RFX4: variants seen among roughly 807,000 people sequenced by gnomAD.
RFX4 encodes the protein regulatory factor X4, also known as transcription factor RFX4.
A neutral mutation model predicts 95.0 loss-of-function variants in RFX4; 10 were observed. The ratio of observed to expected loss-of-function variants is 0.11; its 90% CI spans 0.06 to 0.18. The LOEUF is 0.18. Ranked by LOEUF, RFX4 falls within the 10% of genes least tolerant of loss-of-function variation. The pLI is 1.00. For missense variants in RFX4, 640 were observed against 922.0 expected, an observed-to-expected ratio of 0.69 and a Z score of 3.96; for synonymous variants, 321 against 340.7, an observed-to-expected ratio of 0.94 and a Z score of 0.64.
intron 15 of RFX4, among the ~76,000 whole-genome samples, chr12:106,745,127 T>A (rs886963753): frequency 6.6e-6 from 1 of 152,164 alleles, no homozygotes; most frequent in African/African-American, 2.4e-5. Flanking sequence ...GAATTGCATT[T>A]TTTGCCTCCA....
chr12:106,746,506 C>T (rs775337769), intron 15 of RFX4, among the ~76,000 whole-genome samples: 5 of 151,772 alleles, frequency 3.3e-5, no homozygotes, highest in South Asian at 4.2e-4. Flanking sequence ...TGCACTCCAG[C>T]GTGGGTGACA....
chr12:106,595,882 TCA>T (rs1489175766), intron 1 of RFX4, among the ~76,000 whole-genome samples: 1 of 152,172 alleles, frequency 6.6e-6, no homozygotes, highest in African/African-American at 2.4e-5. Context: ...TCTCTGAGCC[TCA>T]GTTTGCTTTT....
chr12:106,640,545 T>A (rs917586550), intron 3 of RFX4, among the ~76,000 whole-genome samples: 3 of 152,218 alleles, frequency 2.0e-5, no homozygotes, highest in Non-Finnish European at 4.4e-5. Flanking sequence ...AGAGCTCTAT[T>A]TCCAGCCTTT....
intron 15 of RFX4, among the ~76,000 whole-genome samples, chr12:106,741,296 A>C (rs917678815): frequency 1.3e-5 from 2 of 152,320 alleles, no homozygotes; most frequent in Admixed American, 1.3e-4. Context: ...AACAAAAAAA[A>C]AGATGATAGC....
At chr12:106,631,438 C>G (rs909595972) in intron 2 of RFX4, among the ~76,000 whole-genome samples, 1 of 152,170 alleles carries the variant, frequency 6.6e-6, no homozygotes, top group Non-Finnish European at 1.5e-5. Context: ...ATGTCTGTAT[C>G]CCCCCAAATT....
chr12:106,715,177 T>C, intron 10 of RFX4: 1 of 509,078 alleles, frequency 2.0e-6, no homozygotes, highest in South Asian at 2.8e-5. Flanking sequence ...TCGCAGTTTC[T>C]TGTAGAGAAA....
At position 106,586,757 on chromosome 12, in the gene RFX4, C is replaced by T. The variant is rs2039463486; in HGVS notation, c.43+3394C>T. Among the ~76,000 whole-genome samples the T allele has an allele frequency of 6.6e-6, 1 of 152,238 alleles. No individual in the cohort carries two copies. Among genetic ancestry groups the T allele is most frequent in the Non-Finnish European group, 1.5e-5 (1 of 68,046 alleles). On this transcript the variant is annotated intron_variant, in intron 1 of 17. Coordinates refer to ENST00000392842, the MANE Select transcript of RFX4 (RefSeq NM_213594.3). The surrounding 1 kb of genome is among the most constrained non-coding windows in gnomAD (Gnocchi z 5.6). ...TTCTACCACCAAATTAATTATATGC[C>T]TTTGTGGGCCCGGGGTAGGGATGTC... is the stretch of plus-strand genomic sequence containing the variant.
intron 1 of RFX4, among the ~76,000 whole-genome samples, chr12:106,608,302 C>G (rs1401680348): frequency 6.6e-6 from 1 of 152,192 alleles, no homozygotes; most frequent in Non-Finnish European, 1.5e-5. Flanking sequence ...CAAAGGGAGG[C>G]AAGCTACAAG....
At chr12:106,583,864 G>A (rs556700916) in intron 1 of RFX4, 4 of 152,872 alleles carry the variant, frequency 2.6e-5, no homozygotes, top group South Asian at 2.1e-4. Context: ...CCGAGGCTCC[G>A]GCTGGTAGAG....
chr12:106,693,216 T>C lies in RFX4; in HGVS notation c.670-3067T>C, dbSNP rs139291076. On this transcript the variant is annotated intron_variant, in intron 7 of 17. Transcript: ENST00000392842. ...TTCTCACCTGGAGGAACAAGTATCA[T>C]TGGACAATAAATGACCTAAAATGCA... 448 of 295,912 alleles carry C rather than the reference T, an allele frequency of 1.5e-3. 1 individual carries two copies. Among genetic ancestry groups the C allele is most frequent in the African/African-American group, 9.0e-3 (402 of 44,914 alleles). The allele number at this position is 295,912 out of a possible 1,614,324, so 18.3% of individuals were successfully genotyped here. A position where few individuals can be genotyped will look rare whatever the true frequency, so the allele number is the denominator to read the frequency against.
intron 13 of RFX4, among the ~76,000 whole-genome samples, chr12:106,727,454 A>G (rs2137547582): frequency 6.6e-6 from 1 of 152,338 alleles, no homozygotes; most frequent in South Asian, 2.1e-4. Context: ...GATATCTAAT[A>G]AATATGTACT....
At chr12:106,667,160 A>G (rs1391633309) in intron 4 of RFX4, among the ~76,000 whole-genome samples, 7 of 151,968 alleles carry the variant, frequency 4.6e-5, no homozygotes, top group African/African-American at 1.5e-4. Context: ...CTTAGATGTC[A>G]TAGGATGGCT....
intron 4 of RFX4, among the ~76,000 whole-genome samples, chr12:106,680,007 G>C (rs1265212774): frequency 6.6e-6 from 1 of 152,210 alleles, no homozygotes; most frequent in East Asian, 1.9e-4. Flanking sequence ...GTTTACAAGA[G>C]TCAGGGTTAA....
chr12:106,606,018 T>C (rs2039825244), intron 1 of RFX4, among the ~76,000 whole-genome samples: 1 of 152,232 alleles, frequency 6.6e-6, no homozygotes, highest in Non-Finnish European at 1.5e-5. Context: ...AAGTTCTTTC[T>C]TTACTCAAAC....
At chr12:106,608,709 TTC>T in intron 1 of RFX4, 86 bp from the exon 2 acceptor site, 1 of 1,184,780 alleles carries the variant, frequency 8.4e-7, no homozygotes, top group Non-Finnish European at 1.2e-6. Flanking sequence ...ATTTATGATG[TTC>T]TGTCTCTTCA....
Position 106,600,754 on chromosome 12 carries a change from G to A in RFX4, c.44-8043G>A, listed in dbSNP as rs572759808. 1.4e-4 allele frequency among the ~76,000 whole-genome samples: 22 copies of A among 152,072 alleles called. No individual in the cohort carries two copies. The East Asian group carries it at 1.7e-3, about 12-fold the overall frequency. On this transcript the variant is annotated intron_variant, in intron 1 of 17. Coordinates refer to ENST00000392842, the MANE Select transcript of RFX4 (RefSeq NM_213594.3). ...TGCTGCTCTCCCCACCTCCCGCTTCGTCATGCTGGCCTCCTGGCTCCTCCT... is the reference window on the plus strand; with the variant it reads ...TGCTGCTCTCCCCACCTCCCGCTTCATCATGCTGGCCTCCTGGCTCCTCCT...
rs1219326995 is a variant in RFX4 at position 106,654,316 on chromosome 12, G to T, written c.280G>T (p.Asp94Tyr). ...TTACCTGGATTTCTGCGAGAAGAAT[G>T]ATACCCAACCTGTCAATGCTGCCAG... ...MHYLDFCEKNDTQPVNAASFG... is the reference protein window; with the variant it reads ...MHYLDFCEKNYTQPVNAASFG... Residue 94 changes from aspartate (D) to tyrosine (Y), a missense_variant, in exon 4 of 18, where the codon GAT (aspartate) becomes TAT (tyrosine). This residue lies in a region of RFX4 where 89 missense variants were observed against 173.8 expected (regional missense o/e 0.51). Coordinates refer to ENST00000392842, the MANE Select transcript of RFX4 (RefSeq NM_213594.3). 1 of 1,614,098 alleles carries T rather than the reference G, an allele frequency of 6.2e-7. No homozygotes were observed. Among genetic ancestry groups the T allele is most frequent in the Admixed American group, 1.7e-5 (1 of 60,022 alleles).
chr12:106,638,702 A>T (rs1040840542), intron 2 of RFX4, among the ~76,000 whole-genome samples: 2 of 152,218 alleles, frequency 1.3e-5, no homozygotes, highest in African/African-American at 4.8e-5. Context: ...GAAGTCCAAG[A>T]TCAAGGCAAT....
At chr12:106,602,119 C>G (rs971272072) in intron 1 of RFX4, among the ~76,000 whole-genome samples, 2 of 152,342 alleles carry the variant, frequency 1.3e-5, no homozygotes, top group East Asian at 1.9e-4. Context: ...CAGACCTGAC[C>G]TAGCTCAGCC....
Sources: allele counts gnomAD v4.1 joint callset (sites outside exome capture counted in the v4.1 genomes callset), GRCh38; gene constraint gnomAD v4.1.1; regional missense constraint gnomAD v4.1.1; non-coding constraint Gnocchi (gnomAD v3.1); transcripts MANE v1.5; gene names NCBI Gene and HGNC (gene_info 2026-07-23, HGNC 2026-07-21).